TCP11L2: variants seen among roughly 807,000 people sequenced by gnomAD.
TCP11L2 encodes T-complex protein 11-like protein 2.
A neutral mutation model predicts 50.7 loss-of-function variants in TCP11L2; 39 were observed. That is an observed-to-expected ratio of 0.77 (90% confidence interval 0.60 to 1.01). The LOEUF (loss-of-function observed/expected upper bound fraction) is 1.01. Among genes scored for constraint, TCP11L2 ranks in the 50% least tolerant of loss-of-function variants. The probability of loss-of-function intolerance (pLI) is 0.00; values close to 1 mark genes in which losing one functional copy is unlikely to be tolerated. For synonymous variants in TCP11L2, 192 were observed against 219.3 expected (o/e 0.88, Z 1.10); for missense variants, 612 against 614.7 (o/e 1.00, Z 0.05).
At chr12:106,328,492 C>T (rs113706159) in intron 6 of TCP11L2, among the ~76,000 whole-genome samples, 15,597 of 152,194 alleles carry the variant, frequency 0.1, 870 homozygotes, top group Middle Eastern at 0.17. Flanking sequence ...TGCAGTGAGC[C>T]GAGATTGCGC....
At chr12:106,339,368 C>G (rs1432465944) in intron 8 of TCP11L2, among the ~76,000 whole-genome samples, 1 of 152,068 alleles carries the variant, frequency 6.6e-6, no homozygotes, top group Non-Finnish European at 1.5e-5. Flanking sequence ...CTTGTAGATT[C>G]TAGATATTAG....
Position 106,314,415 on chromosome 12 carries a change from TATC to T in TCP11L2, c.217_219del (p.Ser73del). On this transcript the variant is annotated inframe_deletion, in exon 3 of 10. Transcript: ENST00000299045. Reference sequence around the variant, plus strand: ...GAAGTGATGGCTACAGCAAGGAACTTATCAAACTTGACTCTTGCTCATGAGATT... The same window carrying T: ...GAAGTGATGGCTACAGCAAGGAACTTAAACTTGACTCTTGCTCATGAGATT... 6.2e-7 allele frequency: 1 copy of T among 1,613,722 alleles called. No individual in the cohort carries two copies.
chr12:106,302,320 C>CCCCCCCCGCTCCGCCCCCGCTCCG (rs2034439250), upstream of TCP11L2, among the ~76,000 whole-genome samples: 1 of 40,036 alleles, frequency 2.5e-5, no homozygotes, highest in Non-Finnish European at 5.6e-5. Flanking sequence ...AGCCCCCGCT[C>CCCCCCCCGCTCCGCCCCCGCTCCG]CCCCCGCTCA....
At chr12:106,342,044 G>A (rs1237850459) in intron 9 of TCP11L2, among the ~76,000 whole-genome samples, 1 of 152,206 alleles carries the variant, frequency 6.6e-6, no homozygotes, top group African/African-American at 2.4e-5. Context: ...TAAGGAAGGG[G>A]AGAAGCTGCC....
Position 106,318,355 on chromosome 12 carries a change from G to C in TCP11L2, c.305G>C (p.Arg102Pro). ...EALPEKSLAG[R>P]VKHIVHQAFW... is the part of the protein sequence containing the mutation. Reference sequence around the variant, plus strand: ...TTTTATTGCCATAGTTTGGCTGGTCGAGTGAAGCACATTGTTCACCAGGCC... The same window carrying C: ...TTTTATTGCCATAGTTTGGCTGGTCCAGTGAAGCACATTGTTCACCAGGCC... The change falls in exon 4 of 10, where the codon CGA (arginine) becomes CCA (proline). Residue 102 changes from arginine (R) to proline (P), a missense_variant. Physicochemically the swap from Arg to Pro is moderately radical, Grantham distance 103. Transcript: ENST00000299045. 2 of 1,613,050 alleles carry C rather than the reference G, an allele frequency of 1.2e-6. No individual in the cohort carries two copies. Among genetic ancestry groups the C allele is most frequent in the Non-Finnish European group, 1.7e-6 (2 of 1,179,362 alleles).
intron 6 of TCP11L2, 108 bp downstream of exon 6, chr12:106,323,754 A>AAC: frequency 2.2e-6 from 1 of 456,266 alleles, no homozygotes; most frequent in Non-Finnish European, 3.3e-6. Flanking sequence ...TAATAAATAA[A>AAC]TAAAATTTAA....
chr12:106,314,735 C>T (rs2035014305), intron 3 of TCP11L2, among the ~76,000 whole-genome samples: 1 of 152,026 alleles, frequency 6.6e-6, no homozygotes, highest in African/African-American at 2.4e-5. Flanking sequence ...TGTGATAGCT[C>T]ACACCTGTAA....
chr12:106,321,801 C>A (rs2035348916), intron 5 of TCP11L2, 95 bp downstream of exon 5: 3 of 997,528 alleles, frequency 3.0e-6, no homozygotes, highest in African/African-American at 3.2e-5. Context: ...CAACTAGTAC[C>A]CCAAATAAAT....
At chr12:106,338,695 C>T (rs994837187) in intron 8 of TCP11L2, among the ~76,000 whole-genome samples, 3 of 152,180 alleles carry the variant, frequency 2.0e-5, no homozygotes, top group Non-Finnish European at 4.4e-5. Flanking sequence ...TGGGATTGCT[C>T]AGTTGAATGG....
chr12:106,331,219 T>C (rs2035735610), intron 6 of TCP11L2, among the ~76,000 whole-genome samples: 1 of 152,214 alleles, frequency 6.6e-6, no homozygotes, highest in Non-Finnish European at 1.5e-5. Flanking sequence ...TTTCAGTGTC[T>C]GCATGTTTTC....
chr12:106,338,450 A>G (rs2035991649), intron 8 of TCP11L2, among the ~76,000 whole-genome samples: 1 of 152,228 alleles, frequency 6.6e-6, no homozygotes, highest in Non-Finnish European at 1.5e-5. Context: ...TTTGCTTAGG[A>G]TAATGGTCTC....
intron 8 of TCP11L2, 79 bp from the exon 9 acceptor site, chr12:106,340,747 A>G (rs1393202741): frequency 7.9e-7 from 1 of 1,272,760 alleles, no homozygotes; most frequent in African/African-American, 1.5e-5. Flanking sequence ...GTAGACATCT[A>G]AAACAAGTCT....
Position 106,321,575 on chromosome 12 carries a change from T to C in TCP11L2, c.504T>C (p.Ala168=). Residue 168 remains alanine, a synonymous_variant, in exon 5 of 10, where the codon GCT becomes GCC. Transcript: ENST00000299045. ...VLDTDLIRQQ[A]EHSAVDIQGL... Reference sequence around the variant, plus strand: ...ACACAGACCTCATTAGGCAGCAGGCTGAGCACAGTGCTGTTGACATCCAAG... The same window carrying C: ...ACACAGACCTCATTAGGCAGCAGGCCGAGCACAGTGCTGTTGACATCCAAG... The C allele has an allele frequency of 6.2e-7, 1 of 1,614,264 alleles. No individual in the cohort carries two copies. The highest frequency in any genetic ancestry group is 1.6e-4 in the Middle Eastern group (1 of 6,062).
At chr12:106,321,814 C>G (rs2035349458) in intron 5 of TCP11L2, 108 bp downstream of exon 5, 2 of 868,514 alleles carry the variant, frequency 2.3e-6, no homozygotes, top group South Asian at 3.1e-5. Flanking sequence ...AAATAAATTA[C>G]TGACCCTAGA....
chr12:106,321,755 C>T (rs1392661404), intron 5 of TCP11L2, 49 bp downstream of exon 5: 1 of 1,537,816 alleles, frequency 6.5e-7, no homozygotes, highest in East Asian at 2.2e-5. Context: ...TGAGTTCATT[C>T]AGAAGGGAAG....
chr12:106,311,065 A>C lies in TCP11L2; in HGVS notation c.-11A>C. 6.2e-7 allele frequency: 1 copy of C among 1,613,838 alleles called. No homozygotes were observed. The highest frequency in any genetic ancestry group is 8.5e-7 in the Non-Finnish European group (1 of 1,179,836). ...GGTGCTACCTTTTTACCCACACTTAAGTGACGCAAAATGCCCTTCAATGGC... is the reference window on the plus strand; with the variant it reads ...GGTGCTACCTTTTTACCCACACTTACGTGACGCAAAATGCCCTTCAATGGC... On this transcript the variant is annotated 5_prime_UTR_variant, in exon 2 of 10. Transcript: ENST00000299045.
At chr12:106,327,601 T>A (rs2035601995) in intron 6 of TCP11L2, among the ~76,000 whole-genome samples, 1 of 152,218 alleles carries the variant, frequency 6.6e-6, no homozygotes, top group Non-Finnish European at 1.5e-5. Flanking sequence ...AGGTCATTAT[T>A]GCTTAGCAAG....
At chr12:106,305,690 A>T (rs2034599711) in intron 1 of TCP11L2, among the ~76,000 whole-genome samples, 2 of 152,176 alleles carry the variant, frequency 1.3e-5, no homozygotes. Context: ...GGCTCATTAG[A>T]TGCAGTGAGT....
At chr12:106,301,949 G>A (rs941910767), upstream of TCP11L2, 1 of 152,290 alleles carries the variant, frequency 6.6e-6, no homozygotes, top group African/African-American at 2.4e-5. Context: ...AGTCTTCAGA[G>A]GGCCTGGATG....
Sources: allele counts gnomAD v4.1 joint callset (sites outside exome capture counted in the v4.1 genomes callset), GRCh38; gene constraint gnomAD v4.1.1; transcripts MANE v1.5; gene names NCBI Gene and HGNC (gene_info 2026-07-23, HGNC 2026-07-21).